Variants in RMST observed in about 807,000 individuals in gnomAD.
RMST encodes the protein rhabdomyosarcoma 2 associated transcript.
chr12:97,559,088 T>TTCTCTCTC (rs56136727), intron 11 of RMST, among the ~76,000 whole-genome samples: 397 of 146,652 alleles, frequency 2.7e-3, no homozygotes, highest in Middle Eastern at 7.1e-3. Flanking sequence ...ATTTCGAGGT[T>TTCTCTCTC]TCTCTCTCTC....
Position 97,544,230 on chromosome 12 carries a change from A to G in RMST, n.1545+13371A>G, listed in dbSNP as rs543745153. On this transcript the variant is annotated intron_variant and non_coding_transcript_variant, in intron 11 of 13. Transcript: ENST00000640149. ...GTTTTATCTTGGCTTACTCATGGTT[A>G]CTCAAGTTCATTCTTACTAAAACGT... 3.9e-4 allele frequency among the ~76,000 whole-genome samples: 59 copies of G among 152,164 alleles called. 1 individual carries two copies. The highest frequency in any genetic ancestry group is 1.3e-3 in the African/African-American group (55 of 41,554).
rs139408183 is a variant in RMST, at chr12:97,475,842, C to T, written n.644+10115C>T. ...ACATAATAAATATGTTTCCCAAATG[C>T]GATTTAGTTTAAGCCCTTGGTTATG... On this transcript the variant is annotated intron_variant and non_coding_transcript_variant, in intron 5 of 13. Coordinates refer to ENST00000640149, the Ensembl canonical transcript of RMST. Among the ~76,000 whole-genome samples the T allele has an allele frequency of 4.1e-3, 627 of 152,144 alleles. 3 individuals are homozygous for T. The highest frequency in any genetic ancestry group is 0.013 in the African/African-American group (557 of 41,506).
chr12:97,548,315 G>A (rs987825768), intron 11 of RMST, among the ~76,000 whole-genome samples: 1 of 152,076 alleles, frequency 6.6e-6, no homozygotes, highest in East Asian at 1.9e-4. Flanking sequence ...ATATTTTGAA[G>A]TCAAGTAGTG....
chr12:97,464,064 C>T (rs1582335), intron 4 of RMST, among the ~76,000 whole-genome samples: 142,546 of 152,298 alleles, frequency 0.94, 66,774 homozygotes, highest in Middle Eastern at 0.99. Flanking sequence ...GTTTTCATTT[C>T]AAGTAATACA....
In RMST at chr12:97,539,040, A is replaced by G. The variant is rs985144206; in HGVS notation, n.1545+8181A>G. Reference sequence around the variant, plus strand: ...GGGCCATTTGATTGCCATTTTCTACATCAATACTAATTTTAACATATTATT... The same window carrying G: ...GGGCCATTTGATTGCCATTTTCTACGTCAATACTAATTTTAACATATTATT... On this transcript the variant is annotated intron_variant and non_coding_transcript_variant, in intron 11 of 13. Coordinates refer to ENST00000640149, the Ensembl canonical transcript of RMST. Among the ~76,000 whole-genome samples the G allele has an allele frequency of 2.0e-5, 3 of 151,630 alleles. No homozygotes were observed. The East Asian group carries it at 5.8e-4, about 29-fold the overall frequency.
intron 10 of RMST, among the ~76,000 whole-genome samples, chr12:97,525,863 A>T (rs1471664992): frequency 6.6e-6 from 1 of 152,122 alleles, no homozygotes; most frequent in Non-Finnish European, 1.5e-5. Flanking sequence ...AGTCAAAATC[A>T]CTTGCATTAC....
At chr12:97,532,963 G>A (rs1293994458) in intron 11 of RMST, 1 of 151,622 alleles carries the variant, frequency 6.6e-6, no homozygotes, top group East Asian at 1.9e-4. Context: ...TGCAAACATC[G>A]AGCAGGTCGT....
intron 10 of RMST, among the ~76,000 whole-genome samples, chr12:97,524,077 A>AGAAC (rs1565931305): frequency 9.5e-5 from 3 of 31,732 alleles, no homozygotes; most frequent in African/African-American, 2.7e-4. Flanking sequence ...CTCTGTCTCA[A>AGAAC]AAAAAAAAAA....
chr12:97,533,978 G>A (rs1881880814), intron 11 of RMST, among the ~76,000 whole-genome samples: 1 of 151,774 alleles, frequency 6.6e-6, no homozygotes, highest in Admixed American at 6.6e-5. Flanking sequence ...ACTTGTGATA[G>A]AGTGACTGAG....
At chr12:97,537,622 AC>A (rs1356587031) in intron 11 of RMST, among the ~76,000 whole-genome samples, 1 of 151,466 alleles carries the variant, frequency 6.6e-6, no homozygotes, top group African/African-American at 2.4e-5. Flanking sequence ...GTATCTGTTT[AC>A]CCAAATTACC....
intron 5 of RMST, chr12:97,491,863 G>C (rs1184853388): frequency 5.8e-6 from 3 of 513,778 alleles, no homozygotes; most frequent in Non-Finnish European, 8.2e-6. Flanking sequence ...ATTGCACTGT[G>C]TAATTAGGTG....
intron 3 of RMST, chr12:97,463,007 C>G (rs1872738377): frequency 6.7e-6 from 1 of 149,046 alleles, no homozygotes; most frequent in Admixed American, 6.7e-5. Flanking sequence ...TTCTTAGTCT[C>G]AAGTCAGCAG....
At chr12:97,539,385 G>A (rs373305210) in intron 11 of RMST, among the ~76,000 whole-genome samples, 2 of 151,578 alleles carry the variant, frequency 1.3e-5, no homozygotes, top group East Asian at 1.9e-4. Context: ...GTAACTGTGT[G>A]TGCACATACA....
rs115609123 is a variant in RMST, at chr12:97,485,788, C to T, written n.645-6673C>T. ...GTCAAGAACTTTTTCCATCAAGGCGCAGCCATCTTGGAAACTAGTCTCTCA... is the reference window on the plus strand; with the variant it reads ...GTCAAGAACTTTTTCCATCAAGGCGTAGCCATCTTGGAAACTAGTCTCTCA... On this transcript the variant is annotated intron_variant and non_coding_transcript_variant, in intron 5 of 13. Transcript: ENST00000640149. Among the ~76,000 whole-genome samples, 1,231 of 152,354 alleles carry T rather than the reference C, an allele frequency of 8.1e-3. 17 individuals are homozygous for T. The highest frequency in any genetic ancestry group is 0.027 in the African/African-American group (1,143 of 41,584).
At chr12:97,536,301 A>G in intron 11 of RMST, among the ~76,000 whole-genome samples, 1 of 140,586 alleles carries the variant, frequency 7.1e-6, no homozygotes, top group Admixed American at 6.9e-5. Flanking sequence ...AACATGCAAA[A>G]TAATTGAAAA....
intron 10 of RMST, among the ~76,000 whole-genome samples, chr12:97,509,410 T>C (rs1444231100): frequency 2.6e-5 from 4 of 152,224 alleles, no homozygotes; most frequent in South Asian, 2.1e-4. Context: ...GGCCAGGTTC[T>C]GCCCTCAGCC....
Position 97,538,221 on chromosome 12 carries a change from G to A in RMST, n.1545+7362G>A, listed in dbSNP as rs1270397341. Among the ~76,000 whole-genome samples, 3 of 151,520 alleles carry A rather than the reference G, an allele frequency of 2.0e-5. No individual in the cohort carries two copies. The East Asian group carries it at 5.8e-4, about 29-fold the overall frequency. On this transcript the variant is annotated intron_variant and non_coding_transcript_variant, in intron 11 of 13. Transcript: ENST00000640149. ...TGAGCAATTCACAGGACTGAAAGGTGAATTCTCATTGCCTTCAGGTTGTTT... is the reference window on the plus strand; with the variant it reads ...TGAGCAATTCACAGGACTGAAAGGTAAATTCTCATTGCCTTCAGGTTGTTT...
chr12:97,496,799 G>T lies in RMST; in HGVS notation n.1340+743G>T, dbSNP rs139895421. Among the ~76,000 whole-genome samples the T allele has an allele frequency of 1.4e-3, 220 of 152,226 alleles. 2 individuals carry two copies. Among genetic ancestry groups the T allele is most frequent in the African/African-American group, 5.1e-3 (212 of 41,538 alleles). ...GTCTTTTTGGAGGGGACTTCCCCTG[G>T]GAACAATGAAATTGGGATGAATATT... On this transcript the variant is annotated intron_variant and non_coding_transcript_variant, in intron 10 of 13. Transcript: ENST00000640149.
chr12:97,480,678 T>C (rs1278425040), intron 5 of RMST, among the ~76,000 whole-genome samples: 5 of 152,208 alleles, frequency 3.3e-5, no homozygotes, highest in African/African-American at 1.2e-4. Context: ...CTTTCTAGTC[T>C]TATCTCTAAC....
Sources: gnomAD v4.1 joint callset for allele counts (sites outside exome capture counted in the v4.1 genomes callset) on GRCh38, gnomAD v4.1.1 for gene constraint, MANE v1.5 for transcripts, NCBI Gene and HGNC (gene_info 2026-07-23, HGNC 2026-07-21) for gene names.